Variants in DEPDC1B observed in about 807,000 individuals in gnomAD.
DEPDC1B encodes DEP domain-containing protein 1B.
A neutral mutation model predicts 66.5 loss-of-function variants in DEPDC1B; 51 were observed. The observed-to-expected ratio is 0.77, with a 90% confidence interval of 0.61 to 0.97. The LOEUF is 0.97. Among genes scored for constraint, DEPDC1B ranks in the 50% least tolerant of loss-of-function variants. DEPDC1B has a pLI of 0.00. For missense variants in DEPDC1B, 552 were observed against 637.1 expected (o/e 0.87, Z 1.44); for synonymous variants, 226 against 223.6 (o/e 1.01, Z -0.10).
At chr5:60,667,911 A>G (rs191534054) in intron 2 of DEPDC1B, among the ~76,000 whole-genome samples, 5,318 of 86,232 alleles carry the variant, frequency 0.062, 1,043 homozygotes, top group Middle Eastern at 0.1. Context: ...TTTTATATAT[A>G]TAAAAAATGG....
chr5:60,690,488 A>G (rs1754516704), intron 1 of DEPDC1B, among the ~76,000 whole-genome samples: 1 of 152,218 alleles, frequency 6.6e-6, no homozygotes, highest in Non-Finnish European at 1.5e-5. Context: ...GGCAACTTTT[A>G]TTGTGTAACA....
intron 2 of DEPDC1B, among the ~76,000 whole-genome samples, chr5:60,655,912 C>A (rs1181959245): frequency 1.3e-5 from 2 of 148,826 alleles, no homozygotes; most frequent in East Asian, 4.1e-4. Context: ...ATTTCCATGT[C>A]TTTGCATGGC....
At chr5:60,655,814 G>T (rs1753562218) in intron 2 of DEPDC1B, among the ~76,000 whole-genome samples, 1 of 148,692 alleles carries the variant, frequency 6.7e-6, no homozygotes, top group African/African-American at 2.5e-5. Context: ...TTCATAGGTT[G>T]GGTCACTACC....
At chr5:60,667,294 A>G (rs1753864061) in intron 2 of DEPDC1B, among the ~76,000 whole-genome samples, 2 of 151,954 alleles carry the variant, frequency 1.3e-5, no homozygotes, top group South Asian at 4.1e-4. Context: ...CATAAAGTGA[A>G]AAAAAGAAAG....
intron 9 of DEPDC1B, 129 bp downstream of exon 9, chr5:60,603,262 G>T: frequency 1.3e-6 from 1 of 789,534 alleles, no homozygotes; most frequent in East Asian, 3.0e-5. Context: ...TATGTGCCAA[G>T]ACCTGTTGTA....
chr5:60,658,134 C>A (rs539224881), intron 2 of DEPDC1B, among the ~76,000 whole-genome samples: 1 of 152,260 alleles, frequency 6.6e-6, no homozygotes, highest in African/African-American at 2.4e-5. Context: ...TCCTTTATTT[C>A]CAGAAGTTGT....
intron 4 of DEPDC1B, 108 bp downstream of exon 4, chr5:60,645,384 T>G: frequency 1.5e-5 from 17 of 1,127,938 alleles, no homozygotes; most frequent in East Asian, 2.8e-5. Flanking sequence ...AATGCAAAGT[T>G]GAGATTTTTA....
At chr5:60,603,308 A>G (rs1212633370) in intron 9 of DEPDC1B, 83 bp downstream of exon 9, 2 of 1,306,222 alleles carry the variant, frequency 1.5e-6, no homozygotes, top group African/African-American at 3.0e-5. Context: ...TAATCCTCAT[A>G]ATAAAATGCC....
chr5:60,618,938 C>T (rs543110537), intron 7 of DEPDC1B, among the ~76,000 whole-genome samples: 7 of 152,326 alleles, frequency 4.6e-5, no homozygotes, highest in African/African-American at 1.7e-4. Context: ...AGCTGATCCA[C>T]CATAATCAAG....
intron 6 of DEPDC1B, 105 bp downstream of exon 6, chr5:60,642,707 T>C: frequency 1.3e-6 from 1 of 751,480 alleles, no homozygotes; most frequent in Non-Finnish European, 2.2e-6. Context: ...ACTGCCAGTC[T>C]CACAGGTGTC....
Position 60,597,295 on chromosome 5 carries a change from A to G in DEPDC1B, c.*458T>C, listed in dbSNP as rs921181792. On this transcript the variant is annotated 3_prime_UTR_variant, in exon 11 of 11. Transcript: ENST00000265036. ...CTGGAATTTATACAGGAGAAATGATAATTGGCTACTAAGTCAATAGCATCA... is the reference window on the plus strand; with the variant it reads ...CTGGAATTTATACAGGAGAAATGATGATTGGCTACTAAGTCAATAGCATCA... 1 of 153,140 alleles carries G rather than the reference A, an allele frequency of 6.5e-6. No individual in the cohort carries two copies. Among genetic ancestry groups the G allele is most frequent in the Non-Finnish European group, 1.5e-5 (1 of 68,408 alleles). 9.5% of individuals were successfully genotyped at this position (153,140 alleles called of 1,614,324 possible). A position where few individuals can be genotyped will look rare whatever the true frequency, so the allele number is the denominator to read the frequency against.
chr5:60,664,762 A>G (rs1753800585), intron 2 of DEPDC1B, among the ~76,000 whole-genome samples: 1 of 152,206 alleles, frequency 6.6e-6, no homozygotes, highest in Non-Finnish European at 1.5e-5. Context: ...CAGAACTAAT[A>G]GCCCTCATTC....
chr5:60,692,585 T>C (rs1754571815), intron 1 of DEPDC1B, among the ~76,000 whole-genome samples: 1 of 152,106 alleles, frequency 6.6e-6, no homozygotes, highest in Admixed American at 6.5e-5. Flanking sequence ...GAATGTAAAT[T>C]GGTGCGACCA....
intron 6 of DEPDC1B, among the ~76,000 whole-genome samples, chr5:60,641,798 G>C (rs1022824622): frequency 6.6e-6 from 1 of 152,114 alleles, no homozygotes; most frequent in Non-Finnish European, 1.5e-5. Context: ...TAAGACCATA[G>C]TACTCTGCAT....
chr5:60,691,722 T>G (rs567970066), intron 1 of DEPDC1B, among the ~76,000 whole-genome samples: 3 of 152,294 alleles, frequency 2.0e-5, no homozygotes, highest in East Asian at 3.9e-4. Context: ...ACAAAGATGT[T>G]AAACCTCATT....
At chr5:60,611,737 G>A (rs1584026278) in intron 7 of DEPDC1B, among the ~76,000 whole-genome samples, 1 of 152,190 alleles carries the variant, frequency 6.6e-6, no homozygotes, top group South Asian at 2.1e-4. Flanking sequence ...TATAAAGGCT[G>A]AGGGAGGTGG....
In DEPDC1B at chr5:60,638,847, A is replaced by G; in HGVS notation, c.801T>C (p.Phe267=). The G allele has an allele frequency of 6.2e-7, 1 of 1,613,368 alleles. No individual in the cohort carries two copies. Among genetic ancestry groups the G allele is most frequent in the Admixed American group, 1.7e-5 (1 of 59,932 alleles). The change falls in exon 7 of 11, where the codon TTT becomes TTC. Residue 267 remains phenylalanine (F), a synonymous_variant. Coordinates refer to ENST00000265036, the MANE Select transcript of DEPDC1B (RefSeq NM_018369.3). The part of the protein sequence containing the change: ...SDLKQPMYLG[F]EKDVFKTIAD... Reference sequence around the variant, plus strand: ...CTATGGTTTTAAAGACATCTTTTTCAAATCCCAAGTACATAGGCTGCTTCA... The same window carrying G: ...CTATGGTTTTAAAGACATCTTTTTCGAATCCCAAGTACATAGGCTGCTTCA...
intron 7 of DEPDC1B, among the ~76,000 whole-genome samples, chr5:60,635,543 C>T (rs1268275163): frequency 6.6e-6 from 1 of 152,146 alleles, no homozygotes; most frequent in East Asian, 1.9e-4. Flanking sequence ...AACAAATAAA[C>T]CAGGAGTTGC....
intron 2 of DEPDC1B, among the ~76,000 whole-genome samples, chr5:60,674,772 A>G (rs1754117925): frequency 6.6e-6 from 1 of 152,184 alleles, no homozygotes; most frequent in South Asian, 2.1e-4. Flanking sequence ...AACAGAAACA[A>G]ATTCTGGCTG....
Sources: gnomAD v4.1 joint callset for allele counts (sites outside exome capture counted in the v4.1 genomes callset) on GRCh38, gnomAD v4.1.1 for gene constraint, MANE v1.5 for transcripts, NCBI Gene and HGNC (gene_info 2026-07-23, HGNC 2026-07-21) for gene names.